The following PDE4D variants were observed in gnomAD, a reference collection of about 807,000 sequenced individuals.
PDE4D encodes phosphodiesterase 4D, also known as 3',5'-cyclic-AMP phosphodiesterase 4D.
In PDE4D, 24 loss-of-function variants were observed where a neutral mutation model predicts 87.4. The observed-to-expected ratio is 0.27, with a 90% confidence interval of 0.20 to 0.39. The LOEUF is 0.39. PDE4D is among the 10% of genes least tolerant of loss of function. PDE4D has a pLI of 1.00. For missense variants in PDE4D, 714 were observed against 1,041.0 expected, an observed-to-expected ratio of 0.69 and a Z score of 4.32; for synonymous variants, 384 against 383.2, an observed-to-expected ratio of 1.00 and a Z score of -0.02.
intron 5 of PDE4D, among the ~76,000 whole-genome samples, chr5:59,053,915 C>T (rs529722196): frequency 1.3e-5 from 2 of 151,730 alleles, no homozygotes; most frequent in East Asian, 3.9e-4. Context: ...GATTCTGTCT[C>T]AAAAGAAAAA....
intron 1 of PDE4D, among the ~76,000 whole-genome samples, chr5:60,484,298 T>A (rs765813243): frequency 6.6e-6 from 1 of 152,094 alleles, no homozygotes; most frequent in African/African-American, 2.4e-5. Context: ...GCTCCAAATG[T>A]AGGCTGTGAA....
chr5:60,001,988 C>T (rs1764067817), intron 2 of PDE4D, among the ~76,000 whole-genome samples: 1 of 150,606 alleles, frequency 6.6e-6, no homozygotes, highest in Non-Finnish European at 1.5e-5. Flanking sequence ...CAAAAAAAAG[C>T]ACAAGAACCA....
At chr5:60,376,494 C>T (rs1761445571) in intron 1 of PDE4D, among the ~76,000 whole-genome samples, 2 of 152,204 alleles carry the variant, frequency 1.3e-5, no homozygotes, top group African/African-American at 4.8e-5. Context: ...CCTCCTAACG[C>T]ATCCCACACT....
intron 1 of PDE4D, among the ~76,000 whole-genome samples, chr5:59,606,383 G>C (rs189585463): frequency 4.6e-5 from 7 of 152,212 alleles, no homozygotes; most frequent in African/African-American, 1.7e-4. Flanking sequence ...TTTCAAGTCT[G>C]TCTTCTGGGG....
At chr5:59,849,858 G>T (rs1744413816) in intron 1 of PDE4D, among the ~76,000 whole-genome samples, 1 of 152,038 alleles carries the variant, frequency 6.6e-6, no homozygotes, top group Non-Finnish European at 1.5e-5. Context: ...GCTATGATTT[G>T]TTGCTAAAAG....
intron 1 of PDE4D, chr5:59,314,700 A>G (rs1194975854): frequency 6.6e-6 from 1 of 152,194 alleles, no homozygotes; most frequent in Non-Finnish European, 1.5e-5. Flanking sequence ...ACTCTGGGAA[A>G]GAAAATCCCT....
intron 1 of PDE4D, among the ~76,000 whole-genome samples, chr5:59,316,474 G>T (rs1326017733): frequency 6.6e-6 from 1 of 152,036 alleles, no homozygotes; most frequent in Non-Finnish European, 1.5e-5. Context: ...TGAAATAAAT[G>T]TATAAAGGAT....
intron 1 of PDE4D, among the ~76,000 whole-genome samples, chr5:60,468,136 T>TTTTTTTTTG (rs1747515599): frequency 6.4e-5 from 8 of 125,292 alleles, no homozygotes; most frequent in African/African-American, 2.9e-4. Flanking sequence ...CTTTCTTTTT[T>TTTTTTTTTG]CTTTTTTTTT....
At chr5:60,052,102 A>G (rs1308957989) in intron 2 of PDE4D, among the ~76,000 whole-genome samples, 1 of 152,240 alleles carries the variant, frequency 6.6e-6, no homozygotes, top group Non-Finnish European at 1.5e-5. Context: ...ACTGAATTCT[A>G]CCAGAGGTAC....
intron 1 of PDE4D, among the ~76,000 whole-genome samples, chr5:60,379,698 A>G (rs1055309555): frequency 6.6e-6 from 1 of 152,196 alleles, no homozygotes; most frequent in Non-Finnish European, 1.5e-5. Flanking sequence ...AAACCCCAGA[A>G]GAAAAGCCCC....
At chr5:59,260,803 T>C (rs26713) in intron 1 of PDE4D, among the ~76,000 whole-genome samples, 32,262 of 151,580 alleles carry the variant, frequency 0.21, 3,787 homozygotes, top group Non-Finnish European at 0.26. Flanking sequence ...AGGTTCAAAT[T>C]AGAAATTAAT....
At chr5:59,348,815 T>C (rs972053135) in intron 1 of PDE4D, among the ~76,000 whole-genome samples, 5 of 152,066 alleles carry the variant, frequency 3.3e-5, no homozygotes, top group African/African-American at 9.7e-5. Context: ...ATTTGAGCCA[T>C]GTGCCATGGC....
In PDE4D at chr5:59,069,280, T is replaced by C. The variant is rs532623924; in HGVS notation, c.809-30309A>G. 9.5e-4 allele frequency among the ~76,000 whole-genome samples: 145 copies of C among 152,328 alleles called. 2 individuals carry two copies. Among genetic ancestry groups the C allele is most frequent in the African/African-American group, 3.4e-3 (141 of 41,576 alleles). On this transcript the variant is annotated intron_variant, in intron 5 of 14. Coordinates refer to ENST00000340635, the MANE Select transcript of PDE4D (RefSeq NM_001104631.2). Reference sequence around the variant, plus strand: ...GTCAGCATGAAGAGACTTGGTTCATTAAGATTAGCAAACTTCACAGCATTG... The same window carrying C: ...GTCAGCATGAAGAGACTTGGTTCATCAAGATTAGCAAACTTCACAGCATTG...
chr5:60,144,192 G>C (rs1314776717), intron 2 of PDE4D, among the ~76,000 whole-genome samples: 2 of 152,176 alleles, frequency 1.3e-5, no homozygotes, highest in Non-Finnish European at 2.9e-5. Flanking sequence ...AAACTGGGAG[G>C]GGAGAGCTAG....
intron 1 of PDE4D, among the ~76,000 whole-genome samples, chr5:59,294,490 C>G (rs1768669331): frequency 6.6e-6 from 1 of 152,114 alleles, no homozygotes; most frequent in African/African-American, 2.4e-5. Flanking sequence ...ACAGAGAAAG[C>G]AGTGTCAGAT....
chr5:60,012,380 A>G (rs1332159797), intron 2 of PDE4D, among the ~76,000 whole-genome samples: 1 of 152,212 alleles, frequency 6.6e-6, no homozygotes, highest in African/African-American at 2.4e-5. Flanking sequence ...ATTTCATTTT[A>G]TTCTATTCAG....
At chr5:59,324,970 G>A (rs1775384261) in intron 1 of PDE4D, among the ~76,000 whole-genome samples, 1 of 152,282 alleles carries the variant, frequency 6.6e-6, no homozygotes, top group South Asian at 2.1e-4. Context: ...CTTTATTAAT[G>A]TGGCATCATA....
intron 1 of PDE4D, among the ~76,000 whole-genome samples, chr5:59,428,860 T>C (rs1017896089): frequency 3.9e-5 from 6 of 152,188 alleles, no homozygotes; most frequent in Non-Finnish European, 8.8e-5. Context: ...TTACTAGCCA[T>C]AGGTAAGTAA....
chr5:60,265,041 T>C (rs1247949291), intron 1 of PDE4D, among the ~76,000 whole-genome samples: 1 of 152,154 alleles, frequency 6.6e-6, no homozygotes. Flanking sequence ...AGTGGAAATA[T>C]AGTTATACAT....
Sources: allele counts gnomAD v4.1 joint callset (sites outside exome capture counted in the v4.1 genomes callset), GRCh38; gene constraint gnomAD v4.1.1; transcripts MANE v1.5; gene names NCBI Gene and HGNC (gene_info 2026-07-23, HGNC 2026-07-21).